Variants in PARD3 observed in about 807,000 individuals in gnomAD.
PARD3 encodes the protein par-3 family cell polarity regulator.
In PARD3, 75 loss-of-function variants were observed where a neutral mutation model predicts 155.4. The observed-to-expected ratio is 0.48, with a 90% confidence interval of 0.40 to 0.58. PARD3 has a LOEUF of 0.58. Among genes scored for constraint, PARD3 ranks in the 20% least tolerant of loss-of-function variants. The pLI, the probability that PARD3 is intolerant of heterozygous loss-of-function variation, is 0.00. For missense variants in PARD3, 1,642 were observed against 1,721.7 expected (o/e 0.95, Z 0.82); for synonymous variants, 576 against 610.5 (o/e 0.94, Z 0.83).
intron 1 of PARD3, among the ~76,000 whole-genome samples, chr10:34,798,372 G>A (rs1388183825): frequency 6.7e-6 from 1 of 150,084 alleles, no homozygotes; most frequent in African/African-American, 2.5e-5. Context: ...AGGAGAAGAA[G>A]AAATGAGAAG....
At chr10:34,139,978 A>C (rs1203214109) in intron 22 of PARD3, among the ~76,000 whole-genome samples, 1 of 152,214 alleles carries the variant, frequency 6.6e-6, no homozygotes, top group African/African-American at 2.4e-5. Flanking sequence ...TGATCTCTAG[A>C]TAAATAGTTC....
At chr10:34,514,127 GA>G (rs1375013860) in intron 3 of PARD3, among the ~76,000 whole-genome samples, 2 of 151,902 alleles carry the variant, frequency 1.3e-5, no homozygotes, top group East Asian at 1.9e-4. Flanking sequence ...TTTTTCTATG[GA>G]AAAAAATACA....
intron 2 of PARD3, among the ~76,000 whole-genome samples, chr10:34,672,357 C>T (rs2093624931): frequency 6.6e-6 from 1 of 152,152 alleles, no homozygotes; most frequent in Non-Finnish European, 1.5e-5. Context: ...CAGCTGAGCA[C>T]CCACTCATTC....
intron 2 of PARD3, among the ~76,000 whole-genome samples, chr10:34,579,554 C>CTGTGTGTGTGTGTGTG (rs554959827): frequency 1.0e-3 from 122 of 122,572 alleles, no homozygotes; most frequent in Middle Eastern, 4.1e-3. Context: ...ACCATTTTCT[C>CTGTGTGTGTGTGTGTG]TGTGTGTGTG....
intron 1 of PARD3, among the ~76,000 whole-genome samples, chr10:34,779,184 T>C (rs1839946897): frequency 6.6e-6 from 1 of 152,006 alleles, no homozygotes; most frequent in African/African-American, 2.4e-5. Flanking sequence ...TGCACACCTG[T>C]AATCCCAGGT....
At chr10:34,489,243 C>A (rs1367006137) in intron 3 of PARD3, among the ~76,000 whole-genome samples, 1 of 152,108 alleles carries the variant, frequency 6.6e-6, no homozygotes, top group African/African-American at 2.4e-5. Context: ...GAGGCTGAGG[C>A]AGGAGGCAGA....
intron 22 of PARD3, among the ~76,000 whole-genome samples, chr10:34,156,075 A>C (rs1349252492): frequency 2.0e-5 from 3 of 151,972 alleles, no homozygotes; most frequent in African/African-American, 4.8e-5. Flanking sequence ...GCTACAGATA[A>C]GTATTAAATT....
chr10:34,171,165 C>T (rs1486376869), intron 22 of PARD3, among the ~76,000 whole-genome samples: 1 of 152,184 alleles, frequency 6.6e-6, no homozygotes, highest in African/African-American at 2.4e-5. Context: ...TCCATACAAT[C>T]ATTGAATGTA....
At chr10:34,518,806 AT>A (rs2081947348) in intron 2 of PARD3, among the ~76,000 whole-genome samples, 1 of 152,324 alleles carries the variant, frequency 6.6e-6, no homozygotes, top group East Asian at 1.9e-4. Context: ...GAATATGATA[AT>A]AACAGGATAT....
intron 2 of PARD3, among the ~76,000 whole-genome samples, chr10:34,662,422 G>T (rs1400180642): frequency 6.6e-6 from 1 of 152,108 alleles, no homozygotes. Context: ...CTAAAGAAAG[G>T]AAATCAGTAC....
intron 2 of PARD3, among the ~76,000 whole-genome samples, chr10:34,647,592 T>G (rs1209917772): frequency 6.6e-6 from 1 of 152,234 alleles, no homozygotes; most frequent in African/African-American, 2.4e-5. Context: ...TTTTAAGCTT[T>G]GCTGGGCTTT....
chr10:34,589,296 A>C (rs753605661), intron 2 of PARD3, among the ~76,000 whole-genome samples: 1 of 152,192 alleles, frequency 6.6e-6, no homozygotes, highest in South Asian at 2.1e-4. Context: ...TATAGGTTGA[A>C]CTGTATCCCC....
At chr10:34,454,089 G>C (rs966524363) in intron 4 of PARD3, among the ~76,000 whole-genome samples, 1 of 152,168 alleles carries the variant, frequency 6.6e-6, no homozygotes, top group Non-Finnish European at 1.5e-5. Flanking sequence ...ATCAGTTGAA[G>C]AATTTTTAAA....
At chr10:34,362,003 C>T (rs929290993) in intron 12 of PARD3, among the ~76,000 whole-genome samples, 8 of 152,160 alleles carry the variant, frequency 5.3e-5, no homozygotes, top group Admixed American at 2.0e-4. Flanking sequence ...CCAGGCTGGG[C>T]GTGGTGGCTC....
intron 24 of PARD3, among the ~76,000 whole-genome samples, chr10:34,112,246 T>C (rs1423886700): frequency 2.0e-5 from 3 of 152,206 alleles, no homozygotes; most frequent in Non-Finnish European, 4.4e-5. Context: ...TTCTTATACA[T>C]TTACCTTCAC....
At chr10:34,453,062 G>A (rs1003538739) in intron 4 of PARD3, among the ~76,000 whole-genome samples, 5 of 152,148 alleles carry the variant, frequency 3.3e-5, no homozygotes, top group Non-Finnish European at 2.9e-5. Flanking sequence ...TCTGGCACAG[G>A]AGTTTCCTAA....
At chr10:34,248,347 A>G (rs912673595) in intron 22 of PARD3, among the ~76,000 whole-genome samples, 5 of 152,238 alleles carry the variant, frequency 3.3e-5, no homozygotes, top group African/African-American at 4.8e-5. Context: ...TGGTGGTGTT[A>G]TTTAAGTCCG....
chr10:34,516,746 T>C (rs903414155), intron 3 of PARD3, among the ~76,000 whole-genome samples: 3 of 152,200 alleles, frequency 2.0e-5, no homozygotes, highest in Admixed American at 6.5e-5. Context: ...ATTGTCCTTA[T>C]TTACAGTTAG....
intron 22 of PARD3, among the ~76,000 whole-genome samples, chr10:34,223,087 GA>G (rs1952396585): frequency 6.6e-6 from 1 of 152,170 alleles, no homozygotes; most frequent in African/African-American, 2.4e-5. Flanking sequence ...CAGGTTCTGA[GA>G]GATGAAGCTG....
Sources: gnomAD v4.1 joint callset for allele counts (sites outside exome capture counted in the v4.1 genomes callset) on GRCh38, gnomAD v4.1.1 for gene constraint, MANE v1.5 for transcripts, NCBI Gene and HGNC (gene_info 2026-07-23, HGNC 2026-07-21) for gene names.